Variants in ICE1 observed in about 807,000 individuals in gnomAD.
The protein encoded by ICE1 is little elongation complex subunit 1.
In ICE1, 64 loss-of-function variants were observed where a neutral mutation model predicts 192.7. The ratio of observed to expected loss-of-function variants is 0.33; its 90% confidence interval spans 0.27 to 0.41. The LOEUF is 0.41. ICE1 is among the 10% of genes least tolerant of loss of function. The pLI is 1.00. For missense variants in ICE1, 2,708 were observed against 2,696.0 expected (o/e 1.00, Z -0.10); for synonymous variants, 1,010 against 984.5 (o/e 1.03, Z -0.49).
At chr5:5,437,152 C>T (rs774055368) in intron 3 of ICE1, 38 bp downstream of exon 3, 2 of 1,449,256 alleles carry the variant, frequency 1.4e-6, no homozygotes, top group South Asian at 2.4e-5. Flanking sequence ...AGTTTTGGAA[C>T]TAACTTATGT....
intron 17 of ICE1, among the ~76,000 whole-genome samples, chr5:5,477,383 T>C (rs530075045): frequency 6.6e-6 from 1 of 152,078 alleles, no homozygotes; most frequent in East Asian, 1.9e-4. Context: ...AACTAGAAAA[T>C]CTAGAAGAAA....
At position 5,476,004 on chromosome 5, in the gene ICE1, A is replaced by C; in HGVS notation, c.6445A>C (p.Ile2149Leu). 2 of 1,611,918 alleles carry C rather than the reference A, an allele frequency of 1.2e-6. No individual in the cohort carries two copies. Among genetic ancestry groups the C allele is most frequent in the Non-Finnish European group, 1.7e-6 (2 of 1,178,596 alleles). ...KELWPVMDKW[I>L]KYRKGHANIA... ...GCTGTGGCCTGTGATGGATAAATGG[A>C]TAAAATACAGAAAAGGACATGCAAA... Residue 2149 changes from isoleucine to leucine, a missense_variant, in exon 17 of 19, where the codon ATA becomes CTA. Physicochemically the swap from Ile to Leu is conservative, Grantham distance 5. Transcript: ENST00000296564.
chr5:5,448,597 TG>T (rs1393997415), intron 10 of ICE1, among the ~76,000 whole-genome samples: 1 of 152,250 alleles, frequency 6.6e-6, no homozygotes, highest in Middle Eastern at 3.2e-3. Context: ...ACAGGTTTTT[TG>T]TGGGGATGCA....
intron 2 of ICE1, among the ~76,000 whole-genome samples, chr5:5,436,824 G>A: frequency 6.6e-6 from 1 of 151,700 alleles, no homozygotes; most frequent in East Asian, 1.9e-4. Context: ...TATTTTTTTT[G>A]TTTTCAGCTT....
intron 7 of ICE1, among the ~76,000 whole-genome samples, chr5:5,445,915 G>T (rs1388208961): frequency 6.6e-6 from 1 of 151,654 alleles, no homozygotes; most frequent in Non-Finnish European, 1.5e-5. Context: ...GTAGAGATGG[G>T]GTTATGTTGG....
chr5:5,465,179 A>G lies in ICE1; in HGVS notation c.5845A>G (p.Arg1949Gly). 1.3e-6 allele frequency: 2 copies of G among 1,599,276 alleles called. No homozygotes were observed. The highest frequency in any genetic ancestry group is 1.7e-6 in the Non-Finnish European group (2 of 1,172,150). ...AAATATCTCCAAAAAGCCCGTAATG[A>G]GAGATCAAGAGAAGGAAGTTGTTTA... The part of the protein sequence containing the change: ...VGNISKKPVM[R>G]DQEKEVVYEF... The change falls in exon 13 of 19, where the codon AGA (arginine) becomes GGA (glycine). Residue 1949 changes from arginine (R) to glycine (G), a missense_variant. By Grantham distance (125) the Arg-to-Gly change is moderately radical. Around this residue, in one of 2 missense-constraint regions of ICE1, gnomAD observed 342 missense variants for 419.3 expected, o/e 0.82. Transcript: ENST00000296564.
Position 5,461,459 on chromosome 5 carries a change from G to A in ICE1, c.2125G>A (p.Glu709Lys), listed in dbSNP as rs1261819519. 1 of 1,614,034 alleles carries A rather than the reference G, an allele frequency of 6.2e-7. No individual in the cohort carries two copies. Among genetic ancestry groups the A allele is most frequent in the Non-Finnish European group, 8.5e-7 (1 of 1,179,896 alleles). Residue 709 changes from glutamate (E) to lysine (K), a missense_variant, in exon 13 of 19, where the codon GAA (glutamate) becomes AAA (lysine). By Grantham distance (56) the Glu-to-Lys change is moderately conservative. Transcript: ENST00000296564. ...LENSLCALSPELGASNFNDQK... is the reference protein window; with the variant it reads ...LENSLCALSPKLGASNFNDQK... ...GAATAGCTTGTGTGCCTTGAGCCCT[G>A]AATTGGGAGCATCTAATTTTAATGA...
chr5:5,446,448 C>T (rs539035252), intron 7 of ICE1, among the ~76,000 whole-genome samples: 1 of 151,540 alleles, frequency 6.6e-6, no homozygotes, highest in East Asian at 2.0e-4. Context: ...CACCACGACA[C>T]CCGACTAATT....
At chr5:5,433,995 T>C (rs1737799055) in intron 1 of ICE1, among the ~76,000 whole-genome samples, 1 of 151,968 alleles carries the variant, frequency 6.6e-6, no homozygotes, top group Non-Finnish European at 1.5e-5. Context: ...GTTTAAATAA[T>C]GTTAACATAG....
chr5:5,438,336 G>T (rs1737939761), intron 3 of ICE1, among the ~76,000 whole-genome samples: 1 of 152,306 alleles, frequency 6.6e-6, no homozygotes, highest in South Asian at 2.1e-4. Flanking sequence ...GAGATTTTGG[G>T]TGGGGACACA....
intron 17 of ICE1, among the ~76,000 whole-genome samples, chr5:5,482,367 A>G (rs762870722): frequency 3.9e-5 from 6 of 152,266 alleles, no homozygotes; most frequent in Non-Finnish European, 7.3e-5. Context: ...TATATAATTG[A>G]CAATACCATG....
chr5:5,481,994 T>G (rs1739516790), intron 17 of ICE1, among the ~76,000 whole-genome samples: 1 of 152,220 alleles, frequency 6.6e-6, no homozygotes, highest in South Asian at 2.1e-4. Flanking sequence ...GTCTCCTGAC[T>G]AAGCGACCTG....
At position 5,479,812 on chromosome 5, in the gene ICE1, C is replaced by A. The variant is rs111883467; in HGVS notation, c.6520+3733C>A. 5.3e-3 allele frequency among the ~76,000 whole-genome samples: 808 copies of A among 152,206 alleles called. 6 individuals are homozygous for A. Among genetic ancestry groups the A allele is most frequent in the East Asian group, 0.027 (140 of 5,170 alleles). ...GCAGGGACATGGATGAAGCTGGAAG[C>A]CATCATTCTCAGCAAACTAACACAG... On this transcript the variant is annotated intron_variant, in intron 17 of 18. Coordinates refer to ENST00000296564, the MANE Select transcript of ICE1 (RefSeq NM_015325.3).
At chr5:5,450,567 A>G (rs1219313505) in intron 10 of ICE1, among the ~76,000 whole-genome samples, 2 of 152,224 alleles carry the variant, frequency 1.3e-5, no homozygotes, top group Non-Finnish European at 2.9e-5. Context: ...ATTCATATTC[A>G]TAGGGGCCAC....
At position 5,452,643 on chromosome 5, in the gene ICE1, A is replaced by G. The variant is rs549070925; in HGVS notation, c.605-1909A>G. On this transcript the variant is annotated intron_variant, in intron 10 of 18. Transcript: ENST00000296564. The stretch of plus-strand genomic sequence containing the variant: ...ATTCAAAGTCCCATAGATGTTTTCT[A>G]TGGAAGAGCACAAGCAGATGGTTTA... 6.6e-4 allele frequency among the ~76,000 whole-genome samples: 101 copies of G among 152,238 alleles called. 4 individuals carry two copies. The South Asian group carries it at 0.018, about 27-fold the overall frequency.
chr5:5,479,589 A>C (rs1404552653), intron 17 of ICE1, among the ~76,000 whole-genome samples: 3 of 152,234 alleles, frequency 2.0e-5, no homozygotes, highest in Non-Finnish European at 4.4e-5. Flanking sequence ...ATCTCACACT[A>C]GTGGGTATAT....
chr5:5,479,733 G>A (rs567870542), intron 17 of ICE1, among the ~76,000 whole-genome samples: 60 of 152,278 alleles, frequency 3.9e-4, no homozygotes, highest in African/African-American at 1.4e-3. Context: ...AGAAAATGTG[G>A]CACATAATAT....
intron 15 of ICE1, among the ~76,000 whole-genome samples, chr5:5,471,671 C>A (rs1739159994): frequency 6.6e-6 from 1 of 152,026 alleles, no homozygotes; most frequent in Admixed American, 6.5e-5. Flanking sequence ...AAGAAACCCC[C>A]ATGGGATTAT....
chr5:5,464,457 G>C lies in ICE1; in HGVS notation c.5123G>C (p.Arg1708Thr), dbSNP rs924000317. The C allele has an allele frequency of 6.2e-7, 1 of 1,613,900 alleles. No homozygotes were observed. The highest frequency in any genetic ancestry group is 8.5e-7 in the Non-Finnish European group (1 of 1,179,864). The change falls in exon 13 of 19, where the codon AGG becomes ACG. Residue 1708 changes from arginine to threonine, a missense_variant. Physicochemically the swap from Arg to Thr is moderately conservative, Grantham distance 71. Transcript: ENST00000296564. The surrounding 1 kb of genome is among the most constrained non-coding windows in gnomAD (Gnocchi z 4.0). Reference protein sequence around the residue: ...PSPSAASASERVVPSPLQFCA... With the variant: ...PSPSAASASETVVPSPLQFCA... ...CCATCTGCAGCTTCAGCCAGTGAGAGGGTAGTGCCGTCTCCTCTGCAGTTC... is the reference window on the plus strand; with the variant it reads ...CCATCTGCAGCTTCAGCCAGTGAGACGGTAGTGCCGTCTCCTCTGCAGTTC...
Sources: gnomAD v4.1 joint callset for allele counts (sites outside exome capture counted in the v4.1 genomes callset) on GRCh38, gnomAD v4.1.1 for gene constraint, gnomAD v4.1.1 regional missense constraint, Gnocchi (gnomAD v3.1) non-coding constraint, MANE v1.5 for transcripts, NCBI Gene and HGNC (gene_info 2026-07-23, HGNC 2026-07-21) for gene names.